Variants in IKBIP observed in about 807,000 individuals in gnomAD.
IKBIP encodes the protein IKBKB interacting protein, also known as inhibitor of nuclear factor kappa-B kinase-interacting protein.
A neutral mutation model predicts 31.0 loss-of-function variants in IKBIP; 28 were observed. That is an observed-to-expected ratio of 0.90 (90% CI 0.67 to 1.24). IKBIP has a LOEUF of 1.24. Among genes scored for constraint, IKBIP ranks in the 50% most tolerant of loss-of-function variants. The pLI, the probability that IKBIP is intolerant of heterozygous loss-of-function variation, is 0.00. For synonymous variants in IKBIP, 164 were observed against 160.3 expected, an observed-to-expected ratio of 1.02 and a Z score of -0.17; for missense variants, 453 against 441.9, an observed-to-expected ratio of 1.03 and a Z score of -0.23.
chr12:98,620,694 G>A (rs1008281732), downstream of IKBIP, among the ~76,000 whole-genome samples: 2 of 152,120 alleles, frequency 1.3e-5, no homozygotes, highest in Non-Finnish European at 2.9e-5. Context: ...AAAGGACCTG[G>A]AAATTTTATT....
intron 1 of IKBIP, among the ~76,000 whole-genome samples, chr12:98,643,384 TAAC>T (rs2097632640): frequency 6.6e-6 from 1 of 152,162 alleles, no homozygotes. Flanking sequence ...TCTGGAAGAT[TAAC>T]AACAGTCTTA....
rs2097623811 is a variant in IKBIP at position 98,634,371 on chromosome 12, G to C, written c.222C>G (p.Asn74Lys). 2 of 1,604,958 alleles carry C rather than the reference G, an allele frequency of 1.2e-6. No homozygotes were observed. The highest frequency in any genetic ancestry group is 1.7e-6 in the Non-Finnish European group (2 of 1,173,434). Reference sequence around the variant, plus strand: ...TTTCTAGTTTCAGTAACTGGTATTGGTTTTCCACCTTTGCAAATTTTTCTG... The same window carrying C: ...TTTCTAGTTTCAGTAACTGGTATTGCTTTTCCACCTTTGCAAATTTTTCTG... Reference protein sequence around the residue: ...QQSEKFAKVENQYQLLKLETN... With the variant: ...QQSEKFAKVEKQYQLLKLETN... The change falls in exon 2 of 3, where the codon AAC becomes AAG. Residue 74 changes from asparagine (N) to lysine (K), a missense_variant. Coordinates refer to ENST00000299157, the MANE Select transcript of IKBIP (RefSeq NM_153687.4).
At position 98,644,650 on chromosome 12, in the gene IKBIP, C is replaced by T. The variant is rs1482188841; in HGVS notation, c.52G>A (p.Ala18Thr). 1 of 1,611,156 alleles carries T rather than the reference C, an allele frequency of 6.2e-7. No homozygotes were observed. Among genetic ancestry groups the T allele is most frequent in the African/African-American group, 1.3e-5 (1 of 74,726 alleles). ...CCCTCGCTCCGCTTCCCGGGCTCCG[C>T]AGCAGGGGCTCCCTTGGGCCCCGAC... is the stretch of plus-strand genomic sequence containing the variant. ...KKSGPKGAPA[A>T]EPGKRSEGGK... Residue 18 changes from alanine to threonine, a missense_variant, in exon 1 of 3, where the codon GCG (alanine) becomes ACG (threonine). Physicochemically the swap from Ala to Thr is moderately conservative, Grantham distance 58. Coordinates refer to ENST00000299157, the MANE Select transcript of IKBIP (RefSeq NM_153687.4).
At chr12:98,627,242 T>C (rs1329059726) in intron 2 of IKBIP, among the ~76,000 whole-genome samples, 1 of 150,104 alleles carries the variant, frequency 6.7e-6, no homozygotes, top group Admixed American at 6.7e-5. Flanking sequence ...GTACTAGAAT[T>C]ACAGGCGAGA....
At position 98,641,446 on chromosome 12, in the gene IKBIP, T is replaced by C. The variant is rs564295322; in HGVS notation, c.179+3077A>G. On this transcript the variant is annotated intron_variant, in intron 1 of 2. Transcript: ENST00000299157. ...TAGTGAGCTTTTAAGTATTTTAAGATGCCAAATACTTGCTTTTTATCTGGA... is the reference window on the plus strand; with the variant it reads ...TAGTGAGCTTTTAAGTATTTTAAGACGCCAAATACTTGCTTTTTATCTGGA... Among the ~76,000 whole-genome samples the C allele has an allele frequency of 7.9e-5, 12 of 152,372 alleles. No individual in the cohort carries two copies. The East Asian group carries it at 2.3e-3, about 29-fold the overall frequency.
At chr12:98,614,451 G>A (rs2097605173) in intron 2 of IKBIP, 11 of 602,774 alleles carry the variant, frequency 1.8e-5, no homozygotes, top group Non-Finnish European at 2.5e-5. Context: ...TTGAGACAGA[G>A]GCTTGTTCTG....
chr12:98,629,695 A>G (rs1592994846), intron 2 of IKBIP, among the ~76,000 whole-genome samples: 1 of 152,336 alleles, frequency 6.6e-6, no homozygotes, highest in East Asian at 1.9e-4. Flanking sequence ...AATACTAACC[A>G]TTAACATGGT....
intron 1 of IKBIP, among the ~76,000 whole-genome samples, chr12:98,643,474 T>G (rs1353487210): frequency 6.6e-6 from 1 of 152,158 alleles, no homozygotes; most frequent in Non-Finnish European, 1.5e-5. Flanking sequence ...TGAAATGGGC[T>G]ATTCCCTCCT....
At chr12:98,633,759 T>G (rs1565842808) in intron 2 of IKBIP, among the ~76,000 whole-genome samples, 1 of 152,048 alleles carries the variant, frequency 6.6e-6, no homozygotes. Flanking sequence ...TCAAGTGATT[T>G]GCCTGGCTCA....
Position 98,644,579 on chromosome 12 carries a change from T to A in IKBIP, c.123A>T (p.Ala41=). The change falls in exon 1 of 3, where the codon GCA becomes GCT. Residue 41 remains alanine, a synonymous_variant. Transcript: ENST00000299157. Reference sequence around the variant, plus strand: ...GCAGGCTCAGGCACGTTCGGGGGTCTGCCCAGCCCCCGCCTCCGCTGCTCC... The same window carrying A: ...GCAGGCTCAGGCACGTTCGGGGGTCAGCCCAGCCCCCGCCTCCGCTGCTCC... ...VARSSGGGGW[A]DPRTCLSLLS... is the part of the protein sequence containing the mutation. The A allele has an allele frequency of 6.2e-7, 1 of 1,609,234 alleles. No individual in the cohort carries two copies. The highest frequency in any genetic ancestry group is 8.5e-7 in the Non-Finnish European group (1 of 1,178,328).
intron 2 of IKBIP, among the ~76,000 whole-genome samples, chr12:98,630,129 A>T (rs985526137): frequency 1.3e-5 from 2 of 151,922 alleles, no homozygotes; most frequent in Non-Finnish European, 2.9e-5. Context: ...CACACCTGTA[A>T]TCCCAGCACT....
At chr12:98,643,812 G>T (rs975701689) in intron 1 of IKBIP, among the ~76,000 whole-genome samples, 2 of 131,102 alleles carry the variant, frequency 1.5e-5, no homozygotes, top group Non-Finnish European at 3.1e-5. Flanking sequence ...TAATGATATG[G>T]TTTTCTTTTT....
rs1261443586 is a variant in IKBIP at position 98,624,986 on chromosome 12, T to C, written c.*944A>G. 3 of 369,532 alleles carry C rather than the reference T, an allele frequency of 8.1e-6. No homozygotes were observed. The highest frequency in any genetic ancestry group is 1.1e-5 in the Non-Finnish European group (3 of 267,184). 22.9% of individuals were successfully genotyped at this position (369,532 alleles called of 1,614,324 possible). The stretch of plus-strand genomic sequence containing the variant: ...CGCCTGGCTAATTTTTTGTATTTTT[T>C]AGTAGAGACAGGGTTTCACCCTGTT... On this transcript the variant is annotated 3_prime_UTR_variant, in exon 3 of 3. Transcript: ENST00000299157.
At chr12:98,616,397 G>A (rs2097606312) in intron 2 of IKBIP, among the ~76,000 whole-genome samples, 1 of 152,034 alleles carries the variant, frequency 6.6e-6, no homozygotes, top group Non-Finnish European at 1.5e-5. Context: ...GCCATTCTCA[G>A]ATTTATGGTT....
intron 1 of IKBIP, among the ~76,000 whole-genome samples, chr12:98,641,353 T>C (rs1222687325): frequency 6.6e-6 from 1 of 152,190 alleles, no homozygotes; most frequent in Non-Finnish European, 1.5e-5. Context: ...AAAGATTTGA[T>C]AGACCGACTT....
Position 98,626,132 on chromosome 12 carries a change from A to C in IKBIP, c.932T>G (p.Met311Arg), listed in dbSNP as rs1287012345. ...TMQMFNMEDD[M>R]LKAVSEIMEM... is the part of the protein sequence containing the mutation. ...CATTATTTCAGACACTGCTTTCAGC[A>C]TATCATCTTCCATATTAAACATCTG... The change falls in exon 3 of 3, where the codon ATG becomes AGG. Residue 311 changes from methionine (M) to arginine (R), a missense_variant. Coordinates refer to ENST00000299157, the MANE Select transcript of IKBIP (RefSeq NM_153687.4). 2.5e-6 allele frequency: 4 copies of C among 1,610,182 alleles called. No individual in the cohort carries two copies. The highest frequency in any genetic ancestry group is 2.2e-5 in the East Asian group (1 of 44,816).
chr12:98,622,275 C>T (rs2097610742), downstream of IKBIP, among the ~76,000 whole-genome samples: 3 of 152,046 alleles, frequency 2.0e-5, no homozygotes, highest in Non-Finnish European at 4.4e-5. Context: ...CCTCTAATCC[C>T]AGCACTTTGG....
chr12:98,629,288 C>T (rs1195231343), intron 2 of IKBIP, among the ~76,000 whole-genome samples: 1 of 152,010 alleles, frequency 6.6e-6, no homozygotes, highest in East Asian at 1.9e-4. Flanking sequence ...ACGCCTTAAT[C>T]CCAACATGTT....
chr12:98,623,220 C>T (rs561289767), downstream of IKBIP, among the ~76,000 whole-genome samples: 452 of 151,018 alleles, frequency 3.0e-3, 23 homozygotes, highest in African/African-American at 0.01. Context: ...TCAGGTGATC[C>T]GCCCACCTCG....
Sources: gnomAD v4.1 joint callset for allele counts (sites outside exome capture counted in the v4.1 genomes callset) on GRCh38, gnomAD v4.1.1 for gene constraint, MANE v1.5 for transcripts, NCBI Gene and HGNC (gene_info 2026-07-23, HGNC 2026-07-21) for gene names.